The following ATF7 variants were observed in gnomAD, a reference collection of about 807,000 sequenced individuals.
ATF7 encodes the protein cyclic AMP-dependent transcription factor ATF-7.
In ATF7, 10 loss-of-function variants were observed where a neutral mutation model predicts 50.4. The ratio of observed to expected loss-of-function variants is 0.20; its 90% CI spans 0.12 to 0.34. The LOEUF (loss-of-function observed/expected upper bound fraction) is 0.34. ATF7 is among the 10% of genes least tolerant of loss of function. The pLI, the probability that ATF7 is intolerant of heterozygous loss-of-function variation, is 1.00. For missense variants in ATF7, 465 were observed against 613.9 expected, an observed-to-expected ratio of 0.76 and a Z score of 2.56; for synonymous variants, 201 against 226.4, an observed-to-expected ratio of 0.89 and a Z score of 1.01.
chr12:53,620,423 A>G (rs1944328206), intron 1 of ATF7, among the ~76,000 whole-genome samples: 2 of 151,250 alleles, frequency 1.3e-5, no homozygotes, highest in African/African-American at 4.9e-5. Context: ...AAAAATACAA[A>G]AAATTAGCCG....
Position 53,533,240 on chromosome 12 carries a change from G to A in ATF7, c.580C>T (p.Pro194Ser). The A allele has an allele frequency of 6.2e-7, 1 of 1,613,612 alleles. No individual in the cohort carries two copies. The highest frequency in any genetic ancestry group is 8.5e-7 in the Non-Finnish European group (1 of 1,179,600). The change falls in exon 7 of 12, where the codon CCT becomes TCT. Residue 194 changes from proline to serine, a missense_variant. Physicochemically the swap from Pro to Ser is moderately conservative, Grantham distance 74. Transcript: ENST00000420353. ...CCATTAGCAAGATGCATGACAAGAGGGAGGGAGCCAGTGGGAGACCTAGAG... is the reference window on the plus strand; with the variant it reads ...CCATTAGCAAGATGCATGACAAGAGAGAGGGAGCCAGTGGGAGACCTAGAG... Reference protein sequence around the residue: ...RQMGSPTGSLPLVMHLANGQT... With the variant: ...RQMGSPTGSLSLVMHLANGQT...
chr12:53,579,307 G>C (rs1942269180), intron 2 of ATF7, among the ~76,000 whole-genome samples: 1 of 151,676 alleles, frequency 6.6e-6, no homozygotes, highest in African/African-American at 2.4e-5. Flanking sequence ...GGCCAAGGCG[G>C]GCAGTTCACA....
chr12:53,508,249 T>C (rs531776776), downstream of ATF7: 107 of 151,294 alleles, frequency 7.1e-4, 1 homozygote, highest in African/African-American at 2.4e-3. Flanking sequence ...CTGTATCTTT[T>C]TTTTTTTTAA....
chr12:53,551,957 G>A (rs150557892), intron 3 of ATF7, among the ~76,000 whole-genome samples: 1 of 152,302 alleles, frequency 6.6e-6, no homozygotes, highest in Non-Finnish European at 1.5e-5. Context: ...GCATATACAA[G>A]CAAGACAGTA....
intron 1 of ATF7, among the ~76,000 whole-genome samples, chr12:53,610,075 C>T (rs1218438947): frequency 6.6e-6 from 1 of 151,962 alleles, no homozygotes; most frequent in Non-Finnish European, 1.5e-5. Context: ...CCTCGGCCTC[C>T]CAAAGTGCTG....
In ATF7 at chr12:53,569,148, G is replaced by A. The variant is rs368001079; in HGVS notation, c.49-16511C>T. ...GATTGTGCCACTGCACTCCGGCCTG[G>A]GCGACAGAGGAGGGCTCCATGTCTC... On this transcript the variant is annotated intron_variant, in intron 2 of 11. Coordinates refer to ENST00000420353, the MANE Select transcript of ATF7 (RefSeq NM_006856.3). Among the ~76,000 whole-genome samples, 22 of 152,120 alleles carry A rather than the reference G, an allele frequency of 1.4e-4. No individual in the cohort carries two copies. The East Asian group carries it at 2.1e-3, about 15-fold the overall frequency.
chr12:53,509,382 T>G (rs1042392972), downstream of ATF7, among the ~76,000 whole-genome samples: 1 of 152,138 alleles, frequency 6.6e-6, no homozygotes, highest in African/African-American at 2.4e-5. Flanking sequence ...GGCTTTGGGC[T>G]TCCTGTGACT....
intron 9 of ATF7, among the ~76,000 whole-genome samples, chr12:53,529,643 A>T (rs1186508374): frequency 2.7e-5 from 4 of 147,566 alleles, no homozygotes; most frequent in Non-Finnish European, 6.0e-5. Context: ...TATTTATAAT[A>T]TATATATATA....
At chr12:53,536,033 A>AC (rs1476549492) in intron 5 of ATF7, among the ~76,000 whole-genome samples, 6 of 151,648 alleles carry the variant, frequency 4.0e-5, no homozygotes, top group Admixed American at 6.6e-5. Context: ...AAAAAAAAAA[A>AC]AAGATGACTT....
In ATF7 at chr12:53,552,529, G is replaced by T. The variant is rs779836371; in HGVS notation, c.145+12C>A. The T allele has an allele frequency of 2.3e-5, 37 of 1,608,192 alleles. No homozygotes were observed. The highest frequency in any genetic ancestry group is 2.5e-5 in the Non-Finnish European group (29 of 1,174,928). ...TGGTATCAAGGCACGTGGCTTTTGG[G>T]GCAGCAAATACCTGCAATGATGACT... is the stretch of plus-strand genomic sequence containing the variant. On this transcript the variant is annotated intron_variant, in intron 3 of 11. Transcript: ENST00000420353.
rs564724061 is a variant in ATF7 at position 53,561,029 on chromosome 12, T to G, written c.49-8392A>C. ...GATGTGATCTTAGATCACTGTAACC[T>G]CAAACTCTTAGACTCAAGCAATCTT... On this transcript the variant is annotated intron_variant, in intron 2 of 11. Transcript: ENST00000420353. 2.7e-5 allele frequency among the ~76,000 whole-genome samples: 4 copies of G among 150,418 alleles called. No homozygotes were observed. In the South Asian group the frequency reaches 8.6e-4, roughly 32 times the overall value.
chr12:53,587,359 T>C (rs1317515047), intron 2 of ATF7, among the ~76,000 whole-genome samples: 1 of 43,800 alleles, frequency 2.3e-5, no homozygotes, highest in Non-Finnish European at 4.9e-5. Context: ...AGAGCGAAAT[T>C]CCGCATCAAA....
intron 2 of ATF7, among the ~76,000 whole-genome samples, chr12:53,572,275 C>T (rs1941806530): frequency 6.6e-6 from 1 of 152,156 alleles, no homozygotes; most frequent in Non-Finnish European, 1.5e-5. Flanking sequence ...AGTGAGTTCA[C>T]AGGGCAAACT....
Position 53,585,576 on chromosome 12 carries a change from C to CTTTTT in ATF7, c.48+15376_48+15377insAAAAA. ...AATGAAAAAAGAAAAGACTGAAAACCACTAAGTAAATGTGAATAGCTTCTT... is the reference window on the plus strand; with the variant it reads ...AATGAAAAAAGAAAAGACTGAAAACCTTTTTACTAAGTAAATGTGAATAGCTTCTT... On this transcript the variant is annotated intron_variant, in intron 2 of 11. Transcript: ENST00000420353. Among the ~76,000 whole-genome samples the CTTTTT allele has an allele frequency of 2.0e-5, 3 of 151,884 alleles. No individual in the cohort carries two copies. In the South Asian group the frequency reaches 6.3e-4, roughly 32 times the overall value.
intron 1 of ATF7, among the ~76,000 whole-genome samples, chr12:53,609,849 C>T (rs910027093): frequency 2.7e-5 from 3 of 109,162 alleles, no homozygotes; most frequent in African/African-American, 1.1e-4. Context: ...CAGGGTCTTG[C>T]TCTGTCGCCC....
chr12:53,544,445 G>T (rs1289587956), intron 3 of ATF7, among the ~76,000 whole-genome samples: 2 of 152,086 alleles, frequency 1.3e-5, no homozygotes, highest in Admixed American at 1.3e-4. Flanking sequence ...TGAGACCTGG[G>T]GTTAAGATCA....
Position 53,555,518 on chromosome 12 carries a change from T to G in ATF7, c.49-2881A>C, listed in dbSNP as rs1382029652. Among the ~76,000 whole-genome samples, 13 of 78,574 alleles carry G rather than the reference T, an allele frequency of 1.7e-4. No homozygotes were observed. The East Asian group carries it at 6.9e-3, about 41-fold the overall frequency. 51.5% of individuals were successfully genotyped at this position (78,574 alleles called of 152,430 possible). A position where few individuals can be genotyped will look rare whatever the true frequency, so the allele number is the denominator to read the frequency against. On this transcript the variant is annotated intron_variant, in intron 2 of 11. Coordinates refer to ENST00000420353, the MANE Select transcript of ATF7 (RefSeq NM_006856.3). ...TTTTTTTTTTTTTTTTTTTTTTTTTTGTGAGACGGAGTCTCGCTCTGTTGC... is the reference window on the plus strand; with the variant it reads ...TTTTTTTTTTTTTTTTTTTTTTTTTGGTGAGACGGAGTCTCGCTCTGTTGC...
At chr12:53,617,613 A>G (rs1369299593) in intron 1 of ATF7, among the ~76,000 whole-genome samples, 1 of 152,218 alleles carries the variant, frequency 6.6e-6, no homozygotes, top group African/African-American at 2.4e-5. Context: ...TGGGTGACAG[A>G]GCAAGACTAT....
intron 1 of ATF7, among the ~76,000 whole-genome samples, chr12:53,615,494 C>CT (rs1944084347): frequency 6.6e-6 from 1 of 152,144 alleles, no homozygotes; most frequent in Non-Finnish European, 1.5e-5. Context: ...TTTGATAAAA[C>CT]TTAAATATTA....
Sources: gnomAD v4.1 joint callset for allele counts (sites outside exome capture counted in the v4.1 genomes callset) on GRCh38, gnomAD v4.1.1 for gene constraint, MANE v1.5 for transcripts, NCBI Gene and HGNC (gene_info 2026-07-23, HGNC 2026-07-21) for gene names.